Variants in SPAG16 observed in about 807,000 individuals in gnomAD.
SPAG16 encodes the protein sperm associated antigen 16.
A neutral mutation model predicts 80.4 loss-of-function variants in SPAG16; 86 were observed. That is an observed-to-expected ratio of 1.07 (90% CI 0.90 to 1.28). The LOEUF is 1.28. Ranked by LOEUF, SPAG16 falls within the 50% of genes most tolerant of loss-of-function variation. The probability of loss-of-function intolerance (pLI) is 0.00; values close to 1 mark genes in which losing one functional copy is unlikely to be tolerated. For missense variants in SPAG16, 870 were observed against 765.3 expected, an observed-to-expected ratio of 1.14 and a Z score of -1.61; for synonymous variants, 294 against 265.9, an observed-to-expected ratio of 1.11 and a Z score of -1.03.
rs1553538733 is a variant in SPAG16, at chr2:213,468,504, G to GATATATATATGTATTT, written c.943-21449_943-21448insGTATTTATATATATAT. On this transcript the variant is annotated intron_variant, in intron 9 of 15. Transcript: ENST00000331683. Reference sequence around the variant, plus strand: ...AGATATATATATGTATTTATATATAGATATATATATATCTATGTATTTATA... The same window carrying GATATATATATGTATTT: ...AGATATATATATGTATTTATATATAGATATATATATGTATTTATATATATATATCTATGTATTTATA... Among the ~76,000 whole-genome samples the GATATATATATGTATTT allele has an allele frequency of 7.0e-4, 41 of 58,570 alleles. No individual in the cohort carries two copies. In the South Asian group the frequency reaches 8.3e-3, roughly 12 times the overall value. 38.4% of individuals were successfully genotyped at this position (58,570 alleles called of 152,430 possible).
At chr2:214,081,574 G>A (rs954308132) in intron 13 of SPAG16, among the ~76,000 whole-genome samples, 4 of 152,152 alleles carry the variant, frequency 2.6e-5, no homozygotes, top group East Asian at 1.9e-4. Flanking sequence ...ACTGCCAGCC[G>A]TCACCAGAAA....
chr2:213,527,232 C>T (rs1173859704), intron 10 of SPAG16, among the ~76,000 whole-genome samples: 1 of 152,130 alleles, frequency 6.6e-6, no homozygotes, highest in Non-Finnish European at 1.5e-5. Flanking sequence ...CTCAGTGCCT[C>T]ATAATCTCAT....
intron 13 of SPAG16, among the ~76,000 whole-genome samples, chr2:214,025,726 A>G (rs1457230071): frequency 1.3e-5 from 2 of 151,554 alleles, no homozygotes; most frequent in African/African-American, 4.8e-5. Context: ...TTGGATAACC[A>G]TTGATGCACC....
At chr2:214,105,816 A>G (rs1196652744) in intron 13 of SPAG16, among the ~76,000 whole-genome samples, 1 of 152,150 alleles carries the variant, frequency 6.6e-6, no homozygotes, top group East Asian at 1.9e-4. Context: ...CATTCCCTAT[A>G]CCACAAAAAG....
At chr2:214,333,447 C>A (rs1697067442) in intron 15 of SPAG16, among the ~76,000 whole-genome samples, 4 of 152,162 alleles carry the variant, frequency 2.6e-5, no homozygotes, top group Admixed American at 2.0e-4. Context: ...AATATCATCA[C>A]CCACTTTCTA....
intron 10 of SPAG16, among the ~76,000 whole-genome samples, chr2:213,492,347 G>A (rs1575736811): frequency 6.6e-6 from 1 of 151,958 alleles, no homozygotes; most frequent in Non-Finnish European, 1.5e-5. Flanking sequence ...AGGTCAGATT[G>A]AGACCATCCT....
At chr2:213,607,932 C>G (rs372763289) in intron 10 of SPAG16, among the ~76,000 whole-genome samples, 14 of 152,230 alleles carry the variant, frequency 9.2e-5, no homozygotes, top group African/African-American at 3.4e-4. Context: ...TAATTTTGTG[C>G]TTTCTGGACT....
In SPAG16 at chr2:213,911,964, A is replaced by G. The variant is rs182558458; in HGVS notation, c.1215-17996A>G. 1.1e-4 allele frequency among the ~76,000 whole-genome samples: 17 copies of G among 152,258 alleles called. No individual in the cohort carries two copies. In the East Asian group the frequency reaches 3.1e-3, roughly 28 times the overall value. ...ATGCACTTAGCACATAAGGATGTAC[A>G]ATCAATATGCAACATAGTGTTTTGA... On this transcript the variant is annotated intron_variant, in intron 11 of 15. Transcript: ENST00000331683.
intron 12 of SPAG16, among the ~76,000 whole-genome samples, chr2:213,976,135 T>TATATACACACACACACAC (rs749957411): frequency 1.6e-4 from 13 of 81,416 alleles, no homozygotes; most frequent in African/African-American, 4.2e-4. Flanking sequence ...TATATATATA[T>TATATACACACACACACAC]ACACACACAC....
rs2073893142 is a variant in SPAG16 at position 213,833,549 on chromosome 2, ATATATATAATATATATAATATATATAT to A, written c.1071-28935_1071-28909del. On this transcript the variant is annotated intron_variant, in intron 10 of 15. Transcript: ENST00000331683. ...ATATATATTATATATAATATATATA[ATATATATAATATATATAATATATATAT>A]AATATATATATTATATATATATAAA... Among the ~76,000 whole-genome samples the A allele has an allele frequency of 1.5e-3, 2 of 1,358 alleles. 1 individual carries two copies. Among genetic ancestry groups the A allele is most frequent in the African/African-American group, 7.5e-3 (2 of 268 alleles). The allele number at this position is 1,358 out of a possible 152,430, so 0.9% of individuals were successfully genotyped here.
intron 12 of SPAG16, among the ~76,000 whole-genome samples, chr2:213,960,189 TTA>T (rs1559631579): frequency 6.6e-6 from 1 of 152,206 alleles, no homozygotes. Flanking sequence ...CTTTCAGTTG[TTA>T]TATGTTTCAG....
rs567805532 is a variant in SPAG16 at position 214,313,403 on chromosome 2, G to T, written c.1721-96737G>T. ...TGTGTCAGAGTGCTCCCAAGGATTCGATTACTTTTCATTTTATTCTAGAAT... is the reference window on the plus strand; with the variant it reads ...TGTGTCAGAGTGCTCCCAAGGATTCTATTACTTTTCATTTTATTCTAGAAT... On this transcript the variant is annotated intron_variant, in intron 15 of 15. Transcript: ENST00000331683. 3.3e-5 allele frequency among the ~76,000 whole-genome samples: 5 copies of T among 152,048 alleles called. No individual in the cohort carries two copies. The South Asian group carries it at 1.0e-3, about 32-fold the overall frequency.
intron 13 of SPAG16, among the ~76,000 whole-genome samples, chr2:214,097,509 T>G (rs544403981): frequency 2.6e-4 from 39 of 151,986 alleles, no homozygotes; most frequent in Non-Finnish European, 4.6e-4. Context: ...GACATTCCAT[T>G]ATTAGGGCTC....
chr2:214,303,276 A>G (rs777245262), intron 15 of SPAG16, among the ~76,000 whole-genome samples: 17 of 152,204 alleles, frequency 1.1e-4, no homozygotes, highest in Middle Eastern at 3.2e-3. Flanking sequence ...TTTTGTATCC[A>G]TGTTTAGGAC....
chr2:213,896,619 G>C (rs1282878344), intron 11 of SPAG16, among the ~76,000 whole-genome samples: 3 of 103,806 alleles, frequency 2.9e-5, no homozygotes, highest in South Asian at 2.8e-4. Context: ...CACACACATA[G>C]ATATGTACAT....
rs759762849 is a variant in SPAG16 at position 214,398,042 on chromosome 2, C to G, written c.1721-12098C>G. On this transcript the variant is annotated intron_variant, in intron 15 of 15. Transcript: ENST00000331683. ...TAACCAATAAGGGAAAATTTTTACC[C>G]CTTATGAGACTGCTAGGCAATAGAG... Among the ~76,000 whole-genome samples the G allele has an allele frequency of 2.6e-5, 4 of 152,108 alleles. No individual in the cohort carries two copies. In the East Asian group the frequency reaches 5.8e-4, roughly 22 times the overall value.
intron 11 of SPAG16, among the ~76,000 whole-genome samples, chr2:213,886,203 C>A (rs1477173870): frequency 6.6e-6 from 1 of 152,074 alleles, no homozygotes; most frequent in Non-Finnish European, 1.5e-5. Context: ...CAGATAATTT[C>A]TCTGTGGCCA....
intron 12 of SPAG16, among the ~76,000 whole-genome samples, chr2:213,950,157 C>T (rs1212757520): frequency 6.6e-6 from 1 of 152,118 alleles, no homozygotes; most frequent in Non-Finnish European, 1.5e-5. Flanking sequence ...TTAAGCTGGT[C>T]ACATTATTTC....
intron 11 of SPAG16, among the ~76,000 whole-genome samples, chr2:213,908,227 G>A (rs542946122): frequency 1.3e-5 from 2 of 152,222 alleles, no homozygotes; most frequent in Admixed American, 1.3e-4. Context: ...TCTACACAAT[G>A]CATCCATCCA....
Sources: gnomAD v4.1 joint callset for allele counts (sites outside exome capture counted in the v4.1 genomes callset) on GRCh38, gnomAD v4.1.1 for gene constraint, MANE v1.5 for transcripts, NCBI Gene and HGNC (gene_info 2026-07-23, HGNC 2026-07-21) for gene names.